Variants in DCAF12 observed in about 807,000 individuals in gnomAD.
The protein encoded by DCAF12 is DDB1 and CUL4 associated factor 12, also known as DDB1- and CUL4-associated factor 12.
A neutral mutation model predicts 52.8 loss-of-function variants in DCAF12; 28 were observed. That is an observed-to-expected ratio of 0.53 (90% CI 0.39 to 0.73). DCAF12 has a LOEUF of 0.73. Among genes scored for constraint, DCAF12 ranks in the 30% least tolerant of loss-of-function variants. The pLI is 0.00. For missense variants in DCAF12, 425 were observed against 552.2 expected, an observed-to-expected ratio of 0.77 and a Z score of 2.31; for synonymous variants, 196 against 215.5, an observed-to-expected ratio of 0.91 and a Z score of 0.79.
At position 34,092,398 on chromosome 9, in the gene DCAF12, G is replaced by A. The variant is rs73491045; in HGVS notation, c.1024+888C>T. 3.6e-3 allele frequency among the ~76,000 whole-genome samples: 547 copies of A among 152,228 alleles called. 8 individuals are homozygous for A. The highest frequency in any genetic ancestry group is 0.012 in the African/African-American group (514 of 41,550). ...AAAAATTACCACAGGATAGAAAGTA[G>A]GGCTCTCGGCCAGGTGCAGTGGCTC... is the stretch of plus-strand genomic sequence containing the variant. On this transcript the variant is annotated intron_variant, in intron 7 of 8. Transcript: ENST00000361264.
At chr9:34,117,954 A>T (rs1829112520) in intron 2 of DCAF12, among the ~76,000 whole-genome samples, 1 of 152,194 alleles carries the variant, frequency 6.6e-6, no homozygotes, top group Admixed American at 6.5e-5. Flanking sequence ...TTGGACTGTT[A>T]AATCAGAACC....
intron 2 of DCAF12, among the ~76,000 whole-genome samples, chr9:34,124,687 T>C (rs1829220652): frequency 6.6e-6 from 1 of 152,160 alleles, no homozygotes; most frequent in Non-Finnish European, 1.5e-5. Flanking sequence ...CTAAGCATCA[T>C]TATTTCTTAA....
At chr9:34,111,486 A>G (rs1487385875) in intron 2 of DCAF12, among the ~76,000 whole-genome samples, 1 of 152,026 alleles carries the variant, frequency 6.6e-6, no homozygotes, top group East Asian at 1.9e-4. Context: ...AAAGCTATTA[A>G]CTCTCTCCCA....
intron 2 of DCAF12, among the ~76,000 whole-genome samples, chr9:34,119,675 T>C (rs1461283272): frequency 6.6e-6 from 1 of 151,624 alleles, no homozygotes; most frequent in Admixed American, 6.6e-5. Context: ...TAGGCTCTTC[T>C]TTCAACAAAT....
intron 2 of DCAF12, among the ~76,000 whole-genome samples, chr9:34,115,820 C>G (rs1295845981): frequency 6.6e-6 from 1 of 152,184 alleles, no homozygotes; most frequent in East Asian, 1.9e-4. Flanking sequence ...TCAGGCAATC[C>G]TCCCGCCTTA....
intron 2 of DCAF12, among the ~76,000 whole-genome samples, chr9:34,123,203 T>C (rs1829201091): frequency 2.0e-5 from 3 of 152,210 alleles, no homozygotes; most frequent in African/African-American, 7.2e-5. Context: ...AACTTTCCTA[T>C]TGAGAATACA....
rs531747865 is a variant in DCAF12 at position 34,087,147 on chromosome 9, C to T, written c.*1203G>A. The T allele has an allele frequency of 3.2e-4, 49 of 152,368 alleles. No individual in the cohort carries two copies. The highest frequency in any genetic ancestry group is 1.2e-3 in the African/African-American group (49 of 41,580). The allele number at this position is 152,368 out of a possible 1,614,324, so 9.4% of individuals were successfully genotyped here. A position where few individuals can be genotyped will look rare whatever the true frequency, so the allele number is the denominator to read the frequency against. On this transcript the variant is annotated 3_prime_UTR_variant, in exon 9 of 9. Transcript: ENST00000361264. Reference sequence around the variant, plus strand: ...TGCTGACTGCAGGCCAGCCTGTCACCATCTCAGGGCTAAGCCAACAGAGTA... The same window carrying T: ...TGCTGACTGCAGGCCAGCCTGTCACTATCTCAGGGCTAAGCCAACAGAGTA...
Position 34,118,932 on chromosome 9 carries a change from T to G in DCAF12, c.333+6091A>C, listed in dbSNP as rs1829130456. ...GTGAGCCAAGATTGCGCCAGTGCACTGCAGCCTGGGCAACAGAGTAAGACC... is the reference window on the plus strand; with the variant it reads ...GTGAGCCAAGATTGCGCCAGTGCACGGCAGCCTGGGCAACAGAGTAAGACC... On this transcript the variant is annotated intron_variant, in intron 2 of 8. Coordinates refer to ENST00000361264, the MANE Select transcript of DCAF12 (RefSeq NM_015397.4). Among the ~76,000 whole-genome samples the G allele has an allele frequency of 2.6e-5, 4 of 152,260 alleles. No individual in the cohort carries two copies. In the South Asian group the frequency reaches 8.3e-4, roughly 32 times the overall value.
chr9:34,126,347 C>A lies in DCAF12; in HGVS notation c.78+7G>T, dbSNP rs747732957. ...CACCACCCAGGTGCCGGCCTCTCAA[C>A]CCTCACCTGCGGGCCCTGAGCGTCG... On this transcript the variant is annotated splice_region_variant and intron_variant, in intron 1 of 8. Coordinates refer to ENST00000361264, the MANE Select transcript of DCAF12 (RefSeq NM_015397.4). 1 of 1,612,240 alleles carries A rather than the reference C, an allele frequency of 6.2e-7. No homozygotes were observed. The highest frequency in any genetic ancestry group is 1.1e-5 in the South Asian group (1 of 90,988).
chr9:34,106,155 C>G (rs73491065), intron 4 of DCAF12, among the ~76,000 whole-genome samples: 1 of 152,102 alleles, frequency 6.6e-6, no homozygotes, highest in Admixed American at 6.6e-5. Context: ...TGCAGTGGCA[C>G]GATCACAGCT....
intron 4 of DCAF12, among the ~76,000 whole-genome samples, chr9:34,100,778 G>T (rs1331867395): frequency 6.6e-6 from 1 of 151,590 alleles, no homozygotes; most frequent in Non-Finnish European, 1.5e-5. Context: ...GGGATTACAG[G>T]TATGAGCCAC....
chr9:34,097,193 C>G (rs1432134627), intron 5 of DCAF12, among the ~76,000 whole-genome samples: 1 of 150,826 alleles, frequency 6.6e-6, no homozygotes, highest in African/African-American at 2.4e-5. Flanking sequence ...ACCCTTCAAA[C>G]TGTGGCCTGA....
intron 2 of DCAF12, among the ~76,000 whole-genome samples, chr9:34,119,227 C>A (rs866173558): frequency 6.6e-6 from 1 of 152,126 alleles, no homozygotes; most frequent in Non-Finnish European, 1.5e-5. Context: ...GATAAGAAAA[C>A]GCAAGGTTCA....
Position 34,113,138 on chromosome 9 carries a change from C to A in DCAF12, c.334-5573G>T, listed in dbSNP as rs544760550. On this transcript the variant is annotated intron_variant, in intron 2 of 8. Coordinates refer to ENST00000361264, the MANE Select transcript of DCAF12 (RefSeq NM_015397.4). ...TGATCTTGGCTCACCACAACCTCTG[C>A]CTCCTGGGTACAAGCAATTCTCCTG... is the stretch of plus-strand genomic sequence containing the variant. Among the ~76,000 whole-genome samples, 4 of 152,118 alleles carry A rather than the reference C, an allele frequency of 2.6e-5. No homozygotes were observed. In the East Asian group the frequency reaches 7.8e-4, roughly 30 times the overall value.
chr9:34,126,500 G>A lies in DCAF12; in HGVS notation c.-69C>T. ...GAAGCGAAGGATAGCAGGACGGCGG[G>A]TCATATACTGGGCCCCGGGGCCGCG... is the stretch of plus-strand genomic sequence containing the variant. On this transcript the variant is annotated 5_prime_UTR_variant, in exon 1 of 9. Transcript: ENST00000361264. 6.5e-7 allele frequency: 1 copy of A among 1,534,874 alleles called. No individual in the cohort carries two copies. Among genetic ancestry groups the A allele is most frequent in the East Asian group, 2.4e-5 (1 of 42,532 alleles).
intron 4 of DCAF12, among the ~76,000 whole-genome samples, chr9:34,105,327 G>A (rs1587735978): frequency 2.0e-5 from 3 of 152,234 alleles, no homozygotes; most frequent in East Asian, 1.9e-4. Flanking sequence ...TTGGGAGGCT[G>A]AGGCAGGAGG....
At chr9:34,106,604 G>A in intron 3 of DCAF12, 110 bp from the exon 4 acceptor site, 1 of 904,096 alleles carries the variant, frequency 1.1e-6, no homozygotes, top group Admixed American at 2.3e-5. Context: ...AAATATTTTT[G>A]TAGAAATTAC....
intron 2 of DCAF12, among the ~76,000 whole-genome samples, chr9:34,108,513 C>T (rs1456137047): frequency 2.0e-5 from 3 of 151,988 alleles, no homozygotes; most frequent in Non-Finnish European, 2.9e-5. Context: ...TAAAAAGGGC[C>T]GAGCGCAGTG....
chr9:34,120,817 C>T (rs1033692108), intron 2 of DCAF12, among the ~76,000 whole-genome samples: 3 of 151,850 alleles, frequency 2.0e-5, no homozygotes, highest in African/African-American at 4.8e-5. Context: ...GTGATAAAGA[C>T]AAAAACAAGA....
Sources: gnomAD v4.1 joint callset for allele counts (sites outside exome capture counted in the v4.1 genomes callset) on GRCh38, gnomAD v4.1.1 for gene constraint, MANE v1.5 for transcripts, NCBI Gene and HGNC (gene_info 2026-07-23, HGNC 2026-07-21) for gene names.